NAV3: variants seen among roughly 807,000 people sequenced by gnomAD.
NAV3 encodes neuron navigator 3.
Under a neutral mutation model 244.7 loss-of-function variants are expected in NAV3, and 87 were observed. The ratio of observed to expected loss-of-function variants is 0.36; its 90% CI spans 0.30 to 0.42. The LOEUF (loss-of-function observed/expected upper bound fraction) is 0.42, where lower values mean the gene tolerates loss of function less well. Among genes scored for constraint, NAV3 ranks in the 20% least tolerant of loss-of-function variants. The probability of loss-of-function intolerance (pLI) is 1.00; values close to 1 mark genes in which losing one functional copy is unlikely to be tolerated. For missense variants in NAV3, 2,663 were observed against 2,893.3 expected (o/e 0.92, Z 1.83); for synonymous variants, 1,126 against 1,042.2 (o/e 1.08, Z -1.55).
At chr12:77,908,173 T>A (rs1020591270) in intron 1 of NAV3, among the ~76,000 whole-genome samples, 1 of 152,070 alleles carries the variant, frequency 6.6e-6, no homozygotes, top group South Asian at 2.1e-4. Context: ...TTTGTCAGCA[T>A]GATGTTCCAA....
intron 12 of NAV3, among the ~76,000 whole-genome samples, chr12:78,108,858 A>G (rs1016779898): frequency 6.6e-6 from 1 of 152,114 alleles, no homozygotes. Context: ...GAAAAAGTAG[A>G]AATATTTTAA....
At position 78,180,913 on chromosome 12, in the gene NAV3, G is replaced by A. The variant is rs376593637; in HGVS notation, c.5560G>A (p.Ala1854Thr). Residue 1854 changes from alanine to threonine, a missense_variant, in exon 30 of 40, where the codon GCA (alanine) becomes ACA (threonine). This residue lies in a region of NAV3 where 543 missense variants were observed against 672.4 expected (regional missense o/e 0.81). Transcript: ENST00000397909. ...ILKAENDRLKAETGNTAKPTR... is the reference protein window; with the variant it reads ...ILKAENDRLKTETGNTAKPTR... ...GAAAGCTGAAAATGACCGGTTGAAG[G>A]CAGAAACTGGTAACACAGCTAAGCC... 6.2e-7 allele frequency: 1 copy of A among 1,612,670 alleles called. No individual in the cohort carries two copies. Among genetic ancestry groups the A allele is most frequent in the African/African-American group, 1.3e-5 (1 of 74,802 alleles).
At chr12:78,151,312 A>G (rs1008566430) in intron 22 of NAV3, among the ~76,000 whole-genome samples, 1 of 152,034 alleles carries the variant, frequency 6.6e-6, no homozygotes, top group Non-Finnish European at 1.5e-5. Flanking sequence ...CTCAAATCAC[A>G]TTAGATCCAC....
intron 2 of NAV3, among the ~76,000 whole-genome samples, chr12:77,816,721 AC>A (rs887063407): frequency 6.6e-6 from 1 of 151,650 alleles, no homozygotes; most frequent in African/African-American, 2.4e-5. Context: ...ATCATCTGTC[AC>A]TCCTTTACCT....
chr12:77,940,765 G>A (rs1445525995), intron 2 of NAV3, among the ~76,000 whole-genome samples: 1 of 152,178 alleles, frequency 6.6e-6, no homozygotes, highest in Non-Finnish European at 1.5e-5. Context: ...CATACACTCT[G>A]AGATGCCTTG....
At position 78,179,316 on chromosome 12, in the gene NAV3, A is replaced by G. The variant is rs148775497; in HGVS notation, c.5364-213A>G. On this transcript the variant is annotated intron_variant, in intron 28 of 39. Transcript: ENST00000397909. ...ACTATTTTTAAACTTTAAAAAATAG[A>G]AAAAAAGATTAAAAGAAAAAGCTAC... The G allele has an allele frequency of 2.4e-4, 112 of 457,910 alleles. 1 individual carries two copies. The highest frequency in any genetic ancestry group is 1.9e-3 in the African/African-American group (96 of 49,420). 28.4% of individuals were successfully genotyped at this position (457,910 alleles called of 1,614,324 possible).
chr12:77,833,993 C>T (rs1288531738), intron 1 of NAV3, among the ~76,000 whole-genome samples: 3 of 151,540 alleles, frequency 2.0e-5, no homozygotes, highest in Middle Eastern at 3.4e-3. Flanking sequence ...GTGTTCCTTT[C>T]GACGTCCAGC....
At chr12:77,723,757 T>C (rs1001399521) in intron 2 of NAV3, among the ~76,000 whole-genome samples, 13 of 142,688 alleles carry the variant, frequency 9.1e-5, no homozygotes, top group African/African-American at 3.0e-4. Flanking sequence ...AATCTTGACT[T>C]TTTTTTTTTT....
intron 12 of NAV3, among the ~76,000 whole-genome samples, chr12:78,076,076 T>C (rs954879661): frequency 6.6e-6 from 1 of 152,206 alleles, no homozygotes; most frequent in Non-Finnish European, 1.5e-5. Flanking sequence ...CTCTCCCTTC[T>C]TGTTTTCCCA....
chr12:77,951,805 A>T (rs926632147), intron 3 of NAV3, among the ~76,000 whole-genome samples: 1 of 152,172 alleles, frequency 6.6e-6, no homozygotes, highest in Admixed American at 6.5e-5. Context: ...CATTCTCAGC[A>T]AACTATCTCA....
At chr12:78,066,204 C>T (rs1885003207) in intron 12 of NAV3, among the ~76,000 whole-genome samples, 1 of 152,046 alleles carries the variant, frequency 6.6e-6, no homozygotes, top group Admixed American at 6.6e-5. Flanking sequence ...CTGCTGGCAC[C>T]TTGATAAAGG....
At chr12:78,081,730 T>C (rs1953363557) in intron 12 of NAV3, among the ~76,000 whole-genome samples, 1 of 152,192 alleles carries the variant, frequency 6.6e-6, no homozygotes, top group Non-Finnish European at 1.5e-5. Flanking sequence ...GGCCTAAGGC[T>C]TTGGTTATCT....
chr12:78,210,346 T>C (rs1388443387), intron 39 of NAV3, 52 bp from the exon 40 acceptor site: 2 of 1,609,454 alleles, frequency 1.2e-6, no homozygotes, highest in East Asian at 4.5e-5. Flanking sequence ...TTTTATGGGC[T>C]GGCTTACTCA....
chr12:78,110,121 A>G lies in NAV3; in HGVS notation c.2637-6651A>G, dbSNP rs1434422357. 3.3e-5 allele frequency among the ~76,000 whole-genome samples: 5 copies of G among 152,168 alleles called. No homozygotes were observed. The South Asian group carries it at 6.2e-4, about 19-fold the overall frequency. ...TTTCAGGATACAAAATAAAAATACA[A>G]AAGTCAGTAGCATTTCTATGCCCCA... On this transcript the variant is annotated intron_variant, in intron 12 of 39. Coordinates refer to ENST00000397909, the MANE Select transcript of NAV3 (RefSeq NM_001024383.2).
chr12:77,632,672 A>G (rs1017656855), intron 2 of NAV3, among the ~76,000 whole-genome samples: 10 of 152,186 alleles, frequency 6.6e-5, no homozygotes, highest in Non-Finnish European at 1.3e-4. Context: ...TATTGTTACT[A>G]TCTTTACTGG....
intron 1 of NAV3, among the ~76,000 whole-genome samples, chr12:77,836,337 C>A (rs1415045866): frequency 6.6e-6 from 1 of 152,158 alleles, no homozygotes; most frequent in East Asian, 1.9e-4. Flanking sequence ...GGTCTGCCAC[C>A]TTTCTTTTAC....
intron 12 of NAV3, among the ~76,000 whole-genome samples, chr12:78,075,317 C>T (rs535722481): frequency 6.6e-6 from 1 of 152,196 alleles, no homozygotes; most frequent in African/African-American, 2.4e-5. Context: ...AGTTAGCTGT[C>T]CTGGCCTCAT....
intron 24 of NAV3, among the ~76,000 whole-genome samples, chr12:78,171,660 T>C (rs914950161): frequency 2.6e-5 from 4 of 151,552 alleles, no homozygotes; most frequent in Admixed American, 2.0e-4. Context: ...ACCATTGACA[T>C]TACATGGAAA....
chr12:77,703,092 A>G (rs933792219), intron 2 of NAV3, among the ~76,000 whole-genome samples: 3 of 152,034 alleles, frequency 2.0e-5, no homozygotes, highest in African/African-American at 7.2e-5. Context: ...ATGTCGTTTG[A>G]TAAGTTTTAT....
Sources: gnomAD v4.1 joint callset for allele counts (sites outside exome capture counted in the v4.1 genomes callset) on GRCh38, gnomAD v4.1.1 for gene constraint, gnomAD v4.1.1 regional missense constraint, MANE v1.5 for transcripts, NCBI Gene and HGNC (gene_info 2026-07-23, HGNC 2026-07-21) for gene names.